Variants in PRIM2 observed in about 807,000 individuals in gnomAD.
PRIM2 encodes DNA primase large subunit.
Under a neutral mutation model 67.3 loss-of-function variants are expected in PRIM2, and 39 were observed. The ratio of observed to expected loss-of-function variants is 0.58; its 90% CI spans 0.45 to 0.76. The LOEUF (loss-of-function observed/expected upper bound fraction) is 0.76, where lower values mean the gene tolerates loss of function less well. Ranked by LOEUF, PRIM2 falls within the 30% of genes least tolerant of loss-of-function variation. The pLI is 0.00. For missense variants in PRIM2, 398 were observed against 598.7 expected (o/e 0.66, Z 3.50); for synonymous variants, 143 against 198.7 (o/e 0.72, Z 2.36).
chr6:57,529,669 A>C (rs1447917278), intron 8 of PRIM2, among the ~76,000 whole-genome samples: 6 of 152,338 alleles, frequency 3.9e-5, no homozygotes, highest in African/African-American at 1.4e-4. Flanking sequence ...GTTTTAGGAT[A>C]TGGTCTCATA....
intron 10 of PRIM2, among the ~76,000 whole-genome samples, chr6:57,554,881 C>T (rs1371692891): frequency 0.014 from 2,110 of 152,244 alleles, 22 homozygotes; most frequent in Non-Finnish European, 0.02. Context: ...TCAGGGAACC[C>T]TTCCAGCCAG....
the PRIM2 span, among the ~76,000 whole-genome samples, chr6:57,236,432 A>G: frequency 6.6e-6 from 1 of 151,596 alleles, no homozygotes; most frequent in Non-Finnish European, 1.5e-5. Flanking sequence ...TATTATTATT[A>G]TACTTTAAGT....
At chr6:57,627,267 G>A (rs1407887651) in intron 12 of PRIM2, among the ~76,000 whole-genome samples, 42 of 74,270 alleles carry the variant, frequency 5.7e-4, no homozygotes, top group Admixed American at 4.0e-3. Context: ...GTGACAGAGT[G>A]AGACTCTGTC....
intron 13 of PRIM2, among the ~76,000 whole-genome samples, chr6:57,634,982 T>A (rs1184158824): frequency 6.6e-6 from 1 of 152,220 alleles, no homozygotes; most frequent in Non-Finnish European, 1.5e-5. Context: ...TTTTTCTAAT[T>A]TAATTTAAAA....
At chr6:57,514,819 T>A (rs1774447628) in intron 8 of PRIM2, among the ~76,000 whole-genome samples, 1 of 152,088 alleles carries the variant, frequency 6.6e-6, no homozygotes, top group Non-Finnish European at 1.5e-5. Flanking sequence ...AAGCTTATAT[T>A]TTTAAGGGGA....
chr6:57,560,959 A>AGGT (rs1775615087), intron 10 of PRIM2, among the ~76,000 whole-genome samples: 99 of 152,310 alleles, frequency 6.5e-4, no homozygotes, highest in African/African-American at 2.3e-3. Context: ...AGCCCCTAAC[A>AGGT]AGAAAGTTAG....
At chr6:57,274,184 G>A in the PRIM2 span, among the ~76,000 whole-genome samples, 2 of 152,256 alleles carry the variant, frequency 1.3e-5, no homozygotes, top group African/African-American at 4.8e-5. Flanking sequence ...GTCTGCAGAG[G>A]TTACTGCTGT....
In PRIM2 at chr6:57,443,865, A is replaced by G. The variant is rs1285017598; in HGVS notation, c.693+61697A>G. Among the ~76,000 whole-genome samples, 5 of 151,572 alleles carry G rather than the reference A, an allele frequency of 3.3e-5. No homozygotes were observed. The East Asian group carries it at 9.6e-4, about 29-fold the overall frequency. On this transcript the variant is annotated intron_variant, in intron 7 of 13. Coordinates refer to ENST00000615550, the MANE Select transcript of PRIM2 (RefSeq NM_000947.5). ...AGATCAATGTCATGTAGTTTTTCCC[A>G]TATGTTGTCTTCTAGTAGTTTTAGA...
intron 2 of PRIM2, among the ~76,000 whole-genome samples, chr6:57,318,976 A>G (rs558530532): frequency 6.6e-6 from 1 of 152,344 alleles, no homozygotes; most frequent in African/African-American, 2.4e-5. Context: ...GAAACAAAGA[A>G]GTGGGAGTGA....
rs1770120519 is a variant in PRIM2 at position 57,385,671 on chromosome 6, A to G, written c.693+3503A>G. Among the ~76,000 whole-genome samples, 4 of 152,338 alleles carry G rather than the reference A, an allele frequency of 2.6e-5. No homozygotes were observed. In the South Asian group the frequency reaches 6.2e-4, roughly 24 times the overall value. On this transcript the variant is annotated intron_variant, in intron 7 of 13. Transcript: ENST00000615550. ...TCTCTTTAATCTCCTTCAGTCTGCA[A>G]TAGATTCTTAGTTTCTCTTAGATTT...
chr6:57,344,834 C>T (rs1768616456), intron 5 of PRIM2, among the ~76,000 whole-genome samples: 2 of 151,988 alleles, frequency 1.3e-5, no homozygotes, highest in African/African-American at 4.8e-5. Context: ...TCTAATCAAC[C>T]TACAAAATTA....
the PRIM2 span, among the ~76,000 whole-genome samples, chr6:57,274,699 G>A: frequency 4.6e-5 from 7 of 152,252 alleles, no homozygotes; most frequent in African/African-American, 1.7e-4. Flanking sequence ...TGGAAATGCA[G>A]AAATCACCTA....
chr6:57,271,529 T>C, the PRIM2 span, among the ~76,000 whole-genome samples: 3 of 152,240 alleles, frequency 2.0e-5, no homozygotes, highest in African/African-American at 7.2e-5. Flanking sequence ...TTCTTCTTTA[T>C]TAGTCTTGCT....
chr6:57,410,493 C>G (rs1486129057), intron 7 of PRIM2, among the ~76,000 whole-genome samples: 2 of 152,042 alleles, frequency 1.3e-5, no homozygotes, highest in African/African-American at 4.8e-5. Flanking sequence ...AACAGTATCA[C>G]TCTGTCTTGA....
intron 7 of PRIM2, among the ~76,000 whole-genome samples, chr6:57,501,836 C>T (rs1164226437): frequency 6.6e-6 from 1 of 152,164 alleles, no homozygotes; most frequent in African/African-American, 2.4e-5. Flanking sequence ...TTTACACTGT[C>T]TGTTCCTTAG....
intron 7 of PRIM2, among the ~76,000 whole-genome samples, chr6:57,399,859 A>C (rs1770646945): frequency 6.6e-6 from 1 of 152,122 alleles, no homozygotes; most frequent in South Asian, 2.1e-4. Flanking sequence ...GTGTCTGTTC[A>C]TATCCTTTGC....
intron 7 of PRIM2, among the ~76,000 whole-genome samples, chr6:57,453,101 T>C (rs1317605938): frequency 1.3e-5 from 2 of 152,220 alleles, no homozygotes; most frequent in African/African-American, 4.8e-5. Flanking sequence ...GTTGTAGATA[T>C]GCGGCATTAT....
chr6:57,341,178 C>T (rs111272399), intron 5 of PRIM2, among the ~76,000 whole-genome samples: 19,343 of 151,926 alleles, frequency 0.13, 1,387 homozygotes, highest in African/African-American at 0.18. Flanking sequence ...AGTAACTTTG[C>T]CTTCTTGTGT....
the PRIM2 span, among the ~76,000 whole-genome samples, chr6:57,251,215 T>C: frequency 6.6e-6 from 1 of 152,228 alleles, no homozygotes; most frequent in Non-Finnish European, 1.5e-5. Flanking sequence ...ACAGATCATA[T>C]AGACAAGATT....
Sources: allele counts gnomAD v4.1 joint callset (sites outside exome capture counted in the v4.1 genomes callset), GRCh38; gene constraint gnomAD v4.1.1; transcripts MANE v1.5; gene names NCBI Gene and HGNC (gene_info 2026-07-23, HGNC 2026-07-21).